BEGAIN: variants seen among roughly 807,000 people sequenced by gnomAD.
BEGAIN encodes the protein brain enriched guanylate kinase associated.
In BEGAIN, 19 loss-of-function variants were observed where a neutral mutation model predicts 35.8. The observed-to-expected ratio is 0.53, with a 90% CI of 0.37 to 0.78. BEGAIN has a LOEUF of 0.78. Among genes scored for constraint, BEGAIN ranks in the 30% least tolerant of loss-of-function variants. BEGAIN has a pLI of 0.00. For synonymous variants in BEGAIN, 462 were observed against 388.6 expected (o/e 1.19, Z -2.22); for missense variants, 795 against 853.6 (o/e 0.93, Z 0.85).
chr14:100,551,451 TCAAA>T lies in BEGAIN; in HGVS notation c.72-4793_72-4790del, dbSNP rs1298107752. Among the ~76,000 whole-genome samples, 2 of 152,190 alleles carry T rather than the reference TCAAA, an allele frequency of 1.3e-5. 1 individual carries two copies. The highest frequency in any genetic ancestry group is 4.8e-5 in the African/African-American group (2 of 41,446). On this transcript the variant is annotated intron_variant, in intron 2 of 6. Transcript: ENST00000554140. ...TGATGCTGCCCCAGAAATCTGGCTTTCAAACAGTGCTTCAAGATTCAGGCAGATG... is the reference window on the plus strand; with the variant it reads ...TGATGCTGCCCCAGAAATCTGGCTTTCAGTGCTTCAAGATTCAGGCAGATG...
At position 100,544,999 on chromosome 14, in the gene BEGAIN, C is replaced by T; in HGVS notation, c.300+1G>A. ...GAGTGGGCGCTGCGTGGCGGCCTCACCATGCGGTACAGCTTGTCCTCCAGC... is the reference window on the plus strand; with the variant it reads ...GAGTGGGCGCTGCGTGGCGGCCTCATCATGCGGTACAGCTTGTCCTCCAGC... On this transcript the variant is annotated splice_donor_variant, in intron 4 of 6. Coordinates refer to ENST00000554140, the MANE Select transcript of BEGAIN (RefSeq NM_001385089.1). LOFTEE classifies it high-confidence loss of function. 6.2e-7 allele frequency: 1 copy of T among 1,611,930 alleles called. No individual in the cohort carries two copies. Among genetic ancestry groups the T allele is most frequent in the Non-Finnish European group, 8.5e-7 (1 of 1,179,952 alleles).
intron 2 of BEGAIN, 116 bp from the exon 3 acceptor site, chr14:100,546,778 G>GCGCA: frequency 3.7e-6 from 2 of 540,532 alleles, no homozygotes; most frequent in Non-Finnish European, 5.7e-6. Context: ...GCGCGCGCGC[G>GCGCA]CGCACACACA....
chr14:100,541,260 G>A (rs2031567255), intron 5 of BEGAIN, among the ~76,000 whole-genome samples: 1 of 152,242 alleles, frequency 6.6e-6, no homozygotes, highest in Non-Finnish European at 1.5e-5. Context: ...TTGCATTCCC[G>A]CCCCTCCGGG....
chr14:100,577,522 T>A (rs1411239242), intron 1 of BEGAIN: 1 of 399,112 alleles, frequency 2.5e-6, no homozygotes, highest in Non-Finnish European at 4.4e-6. Flanking sequence ...TTGGCCTCGA[T>A]CCACTGCAGA....
chr14:100,557,330 C>T (rs531572725), intron 2 of BEGAIN, among the ~76,000 whole-genome samples: 25 of 152,368 alleles, frequency 1.6e-4, no homozygotes, highest in African/African-American at 4.8e-4. Flanking sequence ...AGTGGGCAGA[C>T]GCACACAAGC....
chr14:100,572,101 C>T (rs1048541059), intron 1 of BEGAIN, among the ~76,000 whole-genome samples: 1 of 152,176 alleles, frequency 6.6e-6, no homozygotes, highest in Non-Finnish European at 1.5e-5. Flanking sequence ...ACAGCAGGGT[C>T]CTCGTCATTC....
At chr14:100,552,270 G>A (rs1293371310) in intron 2 of BEGAIN, among the ~76,000 whole-genome samples, 1 of 152,176 alleles carries the variant, frequency 6.6e-6, no homozygotes, top group African/African-American at 2.4e-5. Context: ...GCATGGTTGT[G>A]ACTTGACCCA....
At chr14:100,559,891 G>A (rs2034084697) in intron 2 of BEGAIN, among the ~76,000 whole-genome samples, 2 of 152,244 alleles carry the variant, frequency 1.3e-5, no homozygotes, top group African/African-American at 4.8e-5. Flanking sequence ...GTCAGCAGCA[G>A]CAATGTTTGG....
intron 2 of BEGAIN, among the ~76,000 whole-genome samples, chr14:100,557,292 G>A (rs1335691014): frequency 6.6e-6 from 1 of 152,268 alleles, no homozygotes; most frequent in East Asian, 1.9e-4. Flanking sequence ...CATCGGGGCA[G>A]GGAATGTGAG....
rs777409865 is a variant in BEGAIN, at chr14:100,538,271, G to A, written c.1537C>T (p.Arg513Trp). 6.4e-7 allele frequency: 1 copy of A among 1,564,430 alleles called. No individual in the cohort carries two copies. Residue 513 changes from arginine to tryptophan, a missense_variant, in exon 7 of 7, where the codon CGG becomes TGG. Arg to Trp is a moderately radical substitution (Grantham distance 101, BLOSUM62 -3). Transcript: ENST00000554140. Reference protein sequence around the residue: ...QGHLAEPCFLRAGGDLSLSPG... With the variant: ...QGHLAEPCFLWAGGDLSLSPG... ...CTGAGGCTCAGGTCGCCGCCCGCCC[G>A]CAGGAAGCAGGGCTCTGCCAGGTGG... is the stretch of plus-strand genomic sequence containing the variant.
rs573691807 is a variant in BEGAIN, at chr14:100,537,880, C to G, written c.*89G>C. The G allele has an allele frequency of 9.2e-5, 135 of 1,469,710 alleles. 1 individual carries two copies. In the South Asian group the frequency reaches 1.7e-3, roughly 19 times the overall value. The allele number at this position is 1,469,710 out of a possible 1,614,324, so 91.0% of individuals were successfully genotyped here. ...CTCGTTGTTGGCCGGGGCAGGGGAA[C>G]AGCGGGGGCTGGGGAGAGGTGAGGC... On this transcript the variant is annotated 3_prime_UTR_variant, in exon 7 of 7. Transcript: ENST00000554140.
intron 4 of BEGAIN, 106 bp downstream of exon 4, chr14:100,544,894 C>T (rs977106699): frequency 1.8e-6 from 2 of 1,128,378 alleles, no homozygotes; most frequent in Non-Finnish European, 2.6e-6. Context: ...GTGGGACCAG[C>T]AAGACCTGTG....
At chr14:100,554,683 G>A (rs1411298528) in intron 2 of BEGAIN, among the ~76,000 whole-genome samples, 1 of 151,872 alleles carries the variant, frequency 6.6e-6, no homozygotes, top group African/African-American at 2.4e-5. Flanking sequence ...GAGTGTTGCA[G>A]TGCCAGGTCT....
Position 100,544,531 on chromosome 14 carries a change from C to T in BEGAIN, c.300+469G>A, listed in dbSNP as rs573576080. Among the ~76,000 whole-genome samples the T allele has an allele frequency of 5.3e-5, 8 of 152,310 alleles. No homozygotes were observed. The South Asian group carries it at 1.7e-3, about 32-fold the overall frequency. ...CACCCTGCCCCTCTTCGACATGTCC[C>T]AGCAGTGTGTTCACAGAGAAAATGG... On this transcript the variant is annotated intron_variant, in intron 4 of 6. Coordinates refer to ENST00000554140, the MANE Select transcript of BEGAIN (RefSeq NM_001385089.1).
rs1038104818 is a variant in BEGAIN at position 100,537,703 on chromosome 14, G to A, written c.*266C>T. The A allele has an allele frequency of 2.9e-5, 13 of 445,032 alleles. No homozygotes were observed. The highest frequency in any genetic ancestry group is 4.7e-5 in the Non-Finnish European group (12 of 254,420). The allele number at this position is 445,032 out of a possible 1,614,324, so 27.6% of individuals were successfully genotyped here. A position where few individuals can be genotyped will look rare whatever the true frequency, so the allele number is the denominator to read the frequency against. ...AAAATAGTTTCGCTTTATAAAAGGG[G>A]GGATGCTCCTCTCACATGGGGGAAG... On this transcript the variant is annotated 3_prime_UTR_variant, in exon 7 of 7. Coordinates refer to ENST00000554140, the MANE Select transcript of BEGAIN (RefSeq NM_001385089.1).
At position 100,537,907 on chromosome 14, in the gene BEGAIN, G is replaced by C. The variant is rs553359480; in HGVS notation, c.*62C>G. ...GCGGGGGCTGGGGAGAGGTGAGGCC[G>C]GCCCTTCTGGGGCACGTGGGCTGGC... On this transcript the variant is annotated 3_prime_UTR_variant, in exon 7 of 7. Transcript: ENST00000554140. 3.3e-6 allele frequency: 5 copies of C among 1,531,078 alleles called. No individual in the cohort carries two copies. The African/African-American group carries it at 5.6e-5, about 17-fold the overall frequency. The allele number at this position is 1,531,078 out of a possible 1,614,324, so 94.8% of individuals were successfully genotyped here. A position where few individuals can be genotyped will look rare whatever the true frequency, so the allele number is the denominator to read the frequency against.
rs995447638 is a variant in BEGAIN, at chr14:100,538,548, C to T, written c.1260G>A (p.Arg420=). Reference sequence around the variant, plus strand: ...GGAGCCGGGCGGTCCCCGGCTTGGCCCGCAGGCTCCACAGGTTTGGGGGCA... The same window carrying T: ...GGAGCCGGGCGGTCCCCGGCTTGGCTCGCAGGCTCCACAGGTTTGGGGGCA... The part of the protein sequence containing the change: ...ALMPPNLWSL[R]AKPGTARLPG... Residue 420 remains arginine (R), a synonymous_variant, in exon 7 of 7, where the codon CGG becomes CGA. Transcript: ENST00000554140. 1.3e-5 allele frequency: 20 copies of T among 1,518,198 alleles called. No individual in the cohort carries two copies. The highest frequency in any genetic ancestry group is 2.2e-5 in the Admixed American group (1 of 44,458). 94.0% of individuals were successfully genotyped at this position (1,518,198 alleles called of 1,614,324 possible).
intron 1 of BEGAIN, among the ~76,000 whole-genome samples, chr14:100,574,539 T>TAA (rs2035161895): frequency 7.5e-6 from 1 of 133,446 alleles, no homozygotes; most frequent in African/African-American, 2.9e-5. Flanking sequence ...TTTTTTTTTT[T>TAA]AAACATTTGA....
At chr14:100,540,191 C>G in intron 6 of BEGAIN, 1 of 402,516 alleles carries the variant, frequency 2.5e-6, no homozygotes, top group Non-Finnish European at 4.5e-6. Context: ...GTCACTCTGC[C>G]GTGTCAGCGC....
Sources: allele counts gnomAD v4.1 joint callset (sites outside exome capture counted in the v4.1 genomes callset), GRCh38; gene constraint gnomAD v4.1.1; transcripts MANE v1.5; gene names NCBI Gene and HGNC (gene_info 2026-07-23, HGNC 2026-07-21).